Variants in TAOK1 observed in about 807,000 individuals in gnomAD.
TAOK1 encodes serine/threonine-protein kinase TAO1.
Under a neutral mutation model 138.3 loss-of-function variants are expected in TAOK1, and 21 were observed. That is an observed-to-expected ratio of 0.15 (90% CI 0.11 to 0.22). The LOEUF is 0.22. TAOK1 is among the 10% of genes least tolerant of loss of function. TAOK1 has a pLI of 1.00. For missense variants in TAOK1, 651 were observed against 1,227.7 expected (o/e 0.53, Z 7.02); for synonymous variants, 361 against 398.4 (o/e 0.91, Z 1.12).
chr17:29,526,819 T>TTA (rs770263137), intron 17 of TAOK1, among the ~76,000 whole-genome samples: 2,668 of 50,924 alleles, frequency 0.052, 453 homozygotes, highest in Middle Eastern at 0.088. Flanking sequence ...TCTCATCTCT[T>TTA]AAAAAAAAAA....
At chr17:29,454,114 G>GC (rs2030314866) in intron 2 of TAOK1, among the ~76,000 whole-genome samples, 1 of 151,958 alleles carries the variant, frequency 6.6e-6, no homozygotes, top group South Asian at 2.1e-4. Flanking sequence ...ACCACACCTG[G>GC]CCCCAACTTC....
intron 10 of TAOK1, among the ~76,000 whole-genome samples, chr17:29,492,860 G>A (rs1300557437): frequency 6.6e-6 from 1 of 152,134 alleles, no homozygotes; most frequent in African/African-American, 2.4e-5. Flanking sequence ...TAAATAGTAG[G>A]CTGGGCACGG....
intron 1 of TAOK1, among the ~76,000 whole-genome samples, chr17:29,414,013 G>C (rs566438040): frequency 1.3e-5 from 2 of 149,702 alleles, no homozygotes; most frequent in African/African-American, 2.5e-5. Flanking sequence ...CTCCCTAGTA[G>C]CTGGGACTAT....
chr17:29,437,126 T>G (rs1402543108), intron 1 of TAOK1, among the ~76,000 whole-genome samples: 10 of 152,298 alleles, frequency 6.6e-5, no homozygotes, highest in Admixed American at 1.3e-4. Context: ...TGCAGTGGTG[T>G]GATCTTGGCT....
Position 29,534,098 on chromosome 17 carries a change from TC to T in TAOK1, c.2362-19del. 1.6e-5 allele frequency: 23 copies of T among 1,464,762 alleles called. No individual in the cohort carries two copies. Among genetic ancestry groups the T allele is most frequent in the Middle Eastern group, 1.9e-4 (1 of 5,368 alleles). The allele number at this position is 1,464,762 out of a possible 1,614,324, so 90.7% of individuals were successfully genotyped here. A position where few individuals can be genotyped will look rare whatever the true frequency, so the allele number is the denominator to read the frequency against. On this transcript the variant is annotated intron_variant, in intron 18 of 19. Coordinates refer to ENST00000261716, the MANE Select transcript of TAOK1 (RefSeq NM_020791.4). ...CATTAGGATATATCTTTTTTTTTTC[TC>T]TCTCTCTCTCTGTCTCAGCTGCGTT...
At chr17:29,492,980 A>G (rs2031332461) in intron 10 of TAOK1, among the ~76,000 whole-genome samples, 1 of 151,166 alleles carries the variant, frequency 6.6e-6, no homozygotes, top group African/African-American at 2.4e-5. Context: ...GTCTTTACTA[A>G]TAATACAAAA....
At chr17:29,542,260 T>A (rs1177729411) in intron 19 of TAOK1, among the ~76,000 whole-genome samples, 2 of 151,978 alleles carry the variant, frequency 1.3e-5, no homozygotes, top group African/African-American at 4.8e-5. Flanking sequence ...TGAGTGAGGG[T>A]TGAAAAATTA....
rs1411658015 is a variant in TAOK1 at position 29,542,962 on chromosome 17, G to A, written c.2946G>A (p.Met982Ile). 6.2e-7 allele frequency: 1 copy of A among 1,611,962 alleles called. No homozygotes were observed. The part of the protein sequence containing the change: ...TASGGRTEQG[M>I]SRSTSVTSQI... The stretch of plus-strand genomic sequence containing the variant: ...CTGGGGGACGGACGGAGCAGGGCAT[G>A]AGCAGAAGCACGAGTGTCACTTCAC... Residue 982 changes from methionine (M) to isoleucine (I), a missense_variant, in exon 20 of 20, where the codon ATG becomes ATA. Around this residue, in one of 8 missense-constraint regions of TAOK1, gnomAD observed 108 missense variants for 120.3 expected, o/e 0.90. Coordinates refer to ENST00000261716, the MANE Select transcript of TAOK1 (RefSeq NM_020791.4).
chr17:29,494,592 C>T (rs888506768), intron 10 of TAOK1, among the ~76,000 whole-genome samples: 8 of 151,970 alleles, frequency 5.3e-5, no homozygotes, highest in Admixed American at 3.9e-4. Context: ...TTTGGGAGGG[C>T]GAGGTGGGCG....
chr17:29,416,428 G>A (rs1905266153), intron 1 of TAOK1, among the ~76,000 whole-genome samples: 1 of 151,730 alleles, frequency 6.6e-6, no homozygotes, highest in African/African-American at 2.4e-5. Context: ...GATTTAATGG[G>A]AAAAAAAGCT....
Position 29,542,713 on chromosome 17 carries a change from A to G in TAOK1, c.2697A>G (p.Ala899=). ...TCCTTTCTAATCTCTCCCCTGAGGCATTCAGCCACAGCTACCCGGGAGCTT... is the reference window on the plus strand; with the variant it reads ...TCCTTTCTAATCTCTCCCCTGAGGCGTTCAGCCACAGCTACCCGGGAGCTT... ...NMVLSNLSPE[A]FSHSYPGASG... Residue 899 remains alanine, a synonymous_variant, in exon 20 of 20, where the codon GCA becomes GCG. Transcript: ENST00000261716. 6.2e-7 allele frequency: 1 copy of G among 1,614,256 alleles called. No individual in the cohort carries two copies. Among genetic ancestry groups the G allele is most frequent in the Non-Finnish European group, 8.5e-7 (1 of 1,180,050 alleles).
At chr17:29,507,232 T>A (rs1003930958) in intron 13 of TAOK1, among the ~76,000 whole-genome samples, 28 of 152,050 alleles carry the variant, frequency 1.8e-4, no homozygotes, top group Non-Finnish European at 3.5e-4. Flanking sequence ...ATTTTATGTC[T>A]TGTATTTTAT....
At chr17:29,539,682 T>A (rs533967379) in intron 19 of TAOK1, among the ~76,000 whole-genome samples, 6 of 152,118 alleles carry the variant, frequency 3.9e-5, no homozygotes, top group Non-Finnish European at 8.8e-5. Context: ...GTGATCCTCG[T>A]ACCTCAGCCT....
In TAOK1 at chr17:29,439,817, G is replaced by A. The variant is rs577642838; in HGVS notation, c.-94-11638G>A. ...GGCAGGAGAATCTCTTGAGCCCCAA[G>A]AGTTTGAATCCAGCCAGGGCAACGT... On this transcript the variant is annotated intron_variant, in intron 1 of 19. Coordinates refer to ENST00000261716, the MANE Select transcript of TAOK1 (RefSeq NM_020791.4). 4.4e-4 allele frequency among the ~76,000 whole-genome samples: 60 copies of A among 137,840 alleles called. 1 individual carries two copies. Among genetic ancestry groups the A allele is most frequent in the Admixed American group, 4.2e-3 (55 of 13,200 alleles). The allele number at this position is 137,840 out of a possible 152,430, so 90.4% of individuals were successfully genotyped here. A position where few individuals can be genotyped will look rare whatever the true frequency, so the allele number is the denominator to read the frequency against.
intron 1 of TAOK1, among the ~76,000 whole-genome samples, chr17:29,394,278 G>A (rs774609353): frequency 7.0e-6 from 1 of 142,492 alleles, no homozygotes; most frequent in Non-Finnish European, 1.5e-5. Context: ...CCAGTCTCCT[G>A]CCTCAGCCTC....
At chr17:29,398,082 G>T (rs1904719679) in intron 1 of TAOK1, among the ~76,000 whole-genome samples, 1 of 151,966 alleles carries the variant, frequency 6.6e-6, no homozygotes, top group Non-Finnish European at 1.5e-5. Flanking sequence ...GCCCAATCTG[G>T]TCTCAAACTC....
rs2032483026 is a variant in TAOK1, at chr17:29,550,986, G to T, written c.*7964G>T. 1 of 147,696 alleles carries T rather than the reference G, an allele frequency of 6.8e-6. No homozygotes were observed. The highest frequency in any genetic ancestry group is 2.2e-4 in the South Asian group (1 of 4,602). 9.1% of individuals were successfully genotyped at this position (147,696 alleles called of 1,614,324 possible). On this transcript the variant is annotated 3_prime_UTR_variant, in exon 20 of 20. Coordinates refer to ENST00000261716, the MANE Select transcript of TAOK1 (RefSeq NM_020791.4). ...TTACCTAAAAAAAGAAAATGCTTCAGTCAATTGCTTTTTTATTTAAAAAAA... is the reference window on the plus strand; with the variant it reads ...TTACCTAAAAAAAGAAAATGCTTCATTCAATTGCTTTTTTATTTAAAAAAA...
chr17:29,497,471 A>G (rs865921345), intron 11 of TAOK1, among the ~76,000 whole-genome samples: 1 of 152,148 alleles, frequency 6.6e-6, no homozygotes, highest in Non-Finnish European at 1.5e-5. Flanking sequence ...GTCCCTATCT[A>G]TATATGTGTC....
At chr17:29,458,459 G>T (rs912655825) in intron 2 of TAOK1, among the ~76,000 whole-genome samples, 3 of 152,056 alleles carry the variant, frequency 2.0e-5, no homozygotes, top group Non-Finnish European at 1.5e-5. Context: ...TTGCATTCTG[G>T]TGGGTGTGTA....
Sources: gnomAD v4.1 joint callset for allele counts (sites outside exome capture counted in the v4.1 genomes callset) on GRCh38, gnomAD v4.1.1 for gene constraint, gnomAD v4.1.1 regional missense constraint, MANE v1.5 for transcripts, NCBI Gene and HGNC (gene_info 2026-07-23, HGNC 2026-07-21) for gene names.